Variants in CUX2 observed in about 807,000 individuals in gnomAD.
The protein encoded by CUX2 is cut like homeobox 2.
A neutral mutation model predicts 144.8 loss-of-function variants in CUX2; 40 were observed. The ratio of observed to expected loss-of-function variants is 0.28; its 90% CI spans 0.21 to 0.36. The LOEUF (loss-of-function observed/expected upper bound fraction) is 0.36. Among genes scored for constraint, CUX2 ranks in the 10% least tolerant of loss-of-function variants. CUX2 has a pLI of 1.00. For synonymous variants in CUX2, 827 were observed against 875.6 expected (o/e 0.94, Z 0.98); for missense variants, 1,615 against 1,994.0 (o/e 0.81, Z 3.62).
At chr12:111,270,317 A>G (rs1010706707) in intron 4 of CUX2, 1 of 152,220 alleles carries the variant, frequency 6.6e-6, no homozygotes, top group African/African-American at 2.4e-5. Context: ...ACTGCTGCCA[A>G]CACAGATCTT....
intron 1 of CUX2, among the ~76,000 whole-genome samples, chr12:111,103,242 G>A (rs1181360659): frequency 6.6e-6 from 1 of 152,148 alleles, no homozygotes; most frequent in African/African-American, 2.4e-5. Flanking sequence ...TGTGGCTAAC[G>A]GGTGATTGGG....
intron 1 of CUX2, among the ~76,000 whole-genome samples, chr12:111,101,812 G>T (rs1230439467): frequency 4.6e-5 from 7 of 152,124 alleles, no homozygotes; most frequent in Admixed American, 4.6e-4. Context: ...GGGCCAGATT[G>T]GTTCGGTGTG....
chr12:111,182,989 C>G (rs1214912178), intron 1 of CUX2, among the ~76,000 whole-genome samples: 1 of 152,214 alleles, frequency 6.6e-6, no homozygotes, highest in African/African-American at 2.4e-5. Context: ...CACCTTCCTC[C>G]TTCAATCTGC....
rs576685295 is a variant in CUX2, at chr12:111,322,632, G to T, written c.2926+52G>T. The T allele has an allele frequency of 4.4e-6, 7 of 1,580,892 alleles. No individual in the cohort carries two copies. Among genetic ancestry groups the T allele is most frequent in the Admixed American group, 1.8e-5 (1 of 56,416 alleles). On this transcript the variant is annotated intron_variant, in intron 18 of 21. Transcript: ENST00000261726. The surrounding 1 kb of genome is among the most constrained non-coding windows in gnomAD (Gnocchi z 4.2). ...GGGTGCTGGCAAACTTCCCACCTGC[G>T]CAGTGGCATGTCCGCCTGGCTTTAC...
chr12:111,341,861 C>T lies in CUX2; in HGVS notation c.3467C>T (p.Pro1156Leu), dbSNP rs761206362. The change falls in exon 21 of 22, where the codon CCC becomes CTC. Residue 1156 changes from proline to leucine, a missense_variant. Pro to Leu is a moderately conservative substitution (Grantham distance 98). Around this residue, in one of 12 missense-constraint regions of CUX2, gnomAD observed 131 missense variants for 223.1 expected, o/e 0.59. Coordinates refer to ENST00000261726, the MANE Select transcript of CUX2 (RefSeq NM_015267.4). ...SPATRSECPS[P>L]CLQPQDLSLL... ...GCCACCCGCTCAGAGTGCCCCAGCC[C>T]CTGCCTGCAGCCCCAGGACCTGAGC... 1 of 1,613,942 alleles carries T rather than the reference C, an allele frequency of 6.2e-7. No homozygotes were observed. Among genetic ancestry groups the T allele is most frequent in the Admixed American group, 1.7e-5 (1 of 60,008 alleles).
chr12:111,069,659 C>G, intron 1 of CUX2, among the ~76,000 whole-genome samples: 1 of 151,954 alleles, frequency 6.6e-6, no homozygotes, highest in East Asian at 1.9e-4. Flanking sequence ...CTTATAGATG[C>G]CTGTCTTCTC....
intron 1 of CUX2, among the ~76,000 whole-genome samples, chr12:111,167,675 TTTG>T (rs1281178898): frequency 1.3e-4 from 18 of 140,798 alleles, no homozygotes; most frequent in African/African-American, 5.2e-4. Flanking sequence ...CCTGGGTTTG[TTTG>T]TTTGTTTGTT....
At chr12:111,113,541 TTTAA>T (rs1440838830) in intron 1 of CUX2, among the ~76,000 whole-genome samples, 2 of 152,134 alleles carry the variant, frequency 1.3e-5, no homozygotes, top group African/African-American at 2.4e-5. Context: ...ATCTAACTTC[TTTAA>T]TTAATTAATT....
At chr12:111,173,661 T>C (rs1878677658) in intron 1 of CUX2, among the ~76,000 whole-genome samples, 1 of 152,158 alleles carries the variant, frequency 6.6e-6, no homozygotes, top group Non-Finnish European at 1.5e-5. Context: ...GGGGTGTTGG[T>C]CTGCTGGAAG....
In CUX2 at chr12:111,177,671, G is replaced by A. The variant is rs140131726; in HGVS notation, c.64-36529G>A. Among the ~76,000 whole-genome samples, 639 of 152,348 alleles carry A rather than the reference G, an allele frequency of 4.2e-3. 3 individuals carry two copies. Among genetic ancestry groups the A allele is most frequent in the African/African-American group, 0.015 (621 of 41,568 alleles). On this transcript the variant is annotated intron_variant, in intron 1 of 21. Transcript: ENST00000261726. ...TTCCCAAAGTGCTGGGATTACAGGCGTGAGCCACCGTGCCCAGCCGAGGAT... is the reference window on the plus strand; with the variant it reads ...TTCCCAAAGTGCTGGGATTACAGGCATGAGCCACCGTGCCCAGCCGAGGAT...
At chr12:111,188,733 T>C (rs1245588250) in intron 1 of CUX2, among the ~76,000 whole-genome samples, 2 of 151,956 alleles carry the variant, frequency 1.3e-5, no homozygotes, top group Non-Finnish European at 2.9e-5. Context: ...TCAGGAGCAA[T>C]GGGAAGTCAC....
At chr12:111,071,650 G>T (rs561313236) in intron 1 of CUX2, among the ~76,000 whole-genome samples, 1 of 152,054 alleles carries the variant, frequency 6.6e-6, no homozygotes, top group East Asian at 1.9e-4. Flanking sequence ...ATTTGCTTTT[G>T]GTGTTGTATC....
intron 3 of CUX2, among the ~76,000 whole-genome samples, chr12:111,236,176 A>T (rs2136250951): frequency 6.6e-6 from 1 of 152,274 alleles, no homozygotes; most frequent in East Asian, 1.9e-4. Context: ...TCAAGAAATG[A>T]TCCTTGTTAT....
In CUX2 at chr12:111,322,799, A is replaced by G. The variant is rs1205160736; in HGVS notation, c.2926+219A>G. On this transcript the variant is annotated intron_variant, in intron 18 of 21. Transcript: ENST00000261726. This position sits in a 1 kb window ranked among gnomAD's most constrained non-coding sequence, Gnocchi z 4.2. The stretch of plus-strand genomic sequence containing the variant: ...TTCCTCCAACCAGAGGGAGGCTTCT[A>G]GAAGCTGCACGCCTGATGCACTGGG... Among the ~76,000 whole-genome samples, 1 of 152,092 alleles carries G rather than the reference A, an allele frequency of 6.6e-6. No individual in the cohort carries two copies. The highest frequency in any genetic ancestry group is 1.9e-4 in the East Asian group (1 of 5,192).
chr12:111,163,153 T>G (rs1208571849), intron 1 of CUX2, among the ~76,000 whole-genome samples: 1 of 152,156 alleles, frequency 6.6e-6, no homozygotes, highest in African/African-American at 2.4e-5. Flanking sequence ...AACCTCTTCA[T>G]GCCTCAGTTT....
chr12:111,259,675 G>C lies in CUX2; in HGVS notation c.223-4086G>C, dbSNP rs568049949. 6.6e-5 allele frequency among the ~76,000 whole-genome samples: 10 copies of C among 151,848 alleles called. No homozygotes were observed. In the South Asian group the frequency reaches 1.7e-3, roughly 25 times the overall value. ...GATCAGGAGTTCAAGACCAGCTTGA[G>C]CAATATGTTGAAACCCCGTCTCTAC... is the stretch of plus-strand genomic sequence containing the variant. On this transcript the variant is annotated intron_variant, in intron 3 of 21. Transcript: ENST00000261726.
intron 1 of CUX2, among the ~76,000 whole-genome samples, chr12:111,103,543 G>A (rs1197237590): frequency 6.6e-6 from 1 of 152,198 alleles, no homozygotes; most frequent in East Asian, 1.9e-4. Flanking sequence ...TCAGTGCTGG[G>A]ATGCAAGGAG....
At chr12:111,218,779 C>T (rs1881689981) in intron 3 of CUX2, among the ~76,000 whole-genome samples, 1 of 152,196 alleles carries the variant, frequency 6.6e-6, no homozygotes, top group Non-Finnish European at 1.5e-5. Context: ...CCTGCCGACC[C>T]GCTGAGCCCT....
Position 111,287,331 on chromosome 12 carries a change from C to T in CUX2, c.302-4087C>T, listed in dbSNP as rs192103982. On this transcript the variant is annotated intron_variant, in intron 4 of 21. Transcript: ENST00000261726. This position sits in a 1 kb window ranked among gnomAD's most constrained non-coding sequence, Gnocchi z 4.2. Reference sequence around the variant, plus strand: ...CTCCTTGGAACCGGAGCAAGCCCTCCGTGGCCCTGCGCAGTCCGCGTGGCA... The same window carrying T: ...CTCCTTGGAACCGGAGCAAGCCCTCTGTGGCCCTGCGCAGTCCGCGTGGCA... Among the ~76,000 whole-genome samples, 11 of 152,332 alleles carry T rather than the reference C, an allele frequency of 7.2e-5. No individual in the cohort carries two copies. The East Asian group carries it at 1.7e-3, about 24-fold the overall frequency.
Sources: gnomAD v4.1 joint callset for allele counts (sites outside exome capture counted in the v4.1 genomes callset) on GRCh38, gnomAD v4.1.1 for gene constraint, gnomAD v4.1.1 regional missense constraint, Gnocchi (gnomAD v3.1) non-coding constraint, MANE v1.5 for transcripts, NCBI Gene and HGNC (gene_info 2026-07-23, HGNC 2026-07-21) for gene names.